Variants in CSRNP3 observed in about 807,000 individuals in gnomAD.
CSRNP3 encodes the protein cysteine/serine-rich nuclear protein 3.
CSRNP3 carries 12 observed loss-of-function variants against 48.0 expected under a neutral mutation model. The observed-to-expected ratio is 0.25, with a 90% CI of 0.16 to 0.41. CSRNP3 has a LOEUF of 0.41. Ranked by LOEUF, CSRNP3 falls within the 10% of genes least tolerant of loss-of-function variation. The probability of loss-of-function intolerance (pLI) is 1.00; values close to 1 mark genes in which losing one functional copy is unlikely to be tolerated. For missense variants in CSRNP3, 580 were observed against 724.4 expected, an observed-to-expected ratio of 0.80 and a Z score of 2.29; for synonymous variants, 263 against 269.7, an observed-to-expected ratio of 0.98 and a Z score of 0.24.
chr2:165,525,353 T>A (rs939359081), intron 3 of CSRNP3, among the ~76,000 whole-genome samples: 16 of 152,192 alleles, frequency 1.1e-4, no homozygotes, highest in African/African-American at 3.9e-4. Flanking sequence ...ATTTTCTCTC[T>A]GTCTGTGGCA....
intron 3 of CSRNP3, among the ~76,000 whole-genome samples, chr2:165,544,273 T>G (rs1684995084): frequency 6.6e-6 from 1 of 152,128 alleles, no homozygotes; most frequent in Non-Finnish European, 1.5e-5. Flanking sequence ...AAGCAATGGC[T>G]GTCAGGCAGG....
At chr2:165,549,717 A>G (rs1280796348) in intron 3 of CSRNP3, among the ~76,000 whole-genome samples, 2 of 152,074 alleles carry the variant, frequency 1.3e-5, no homozygotes, top group Non-Finnish European at 2.9e-5. Flanking sequence ...TAAAGACCAT[A>G]TTTTTTCTAC....
intron 1 of CSRNP3, among the ~76,000 whole-genome samples, chr2:165,469,969 A>G (rs1683870595): frequency 6.6e-6 from 1 of 152,116 alleles, no homozygotes; most frequent in Non-Finnish European, 1.5e-5. Context: ...CACCAGAGGC[A>G]TGTCTTATCC....
rs1021438208 is a variant in CSRNP3 at position 165,531,173 on chromosome 2, T to A, written c.-24+13212T>A. 2.0e-5 allele frequency among the ~76,000 whole-genome samples: 3 copies of A among 152,164 alleles called. No homozygotes were observed. In the East Asian group the frequency reaches 5.8e-4, roughly 29 times the overall value. On this transcript the variant is annotated intron_variant, in intron 3 of 6. Coordinates refer to ENST00000651982, the MANE Select transcript of CSRNP3 (RefSeq NM_001172173.2). ...TATTGTCTACATACAAGAGAAAGGA[T>A]ACCAATAAATATTTATTTGACAGTA...
At chr2:165,524,270 C>T (rs766203262) in intron 3 of CSRNP3, among the ~76,000 whole-genome samples, 21 of 152,144 alleles carry the variant, frequency 1.4e-4, no homozygotes, top group Admixed American at 1.1e-3. Context: ...TAAAACAATT[C>T]TTTAACTACT....
In CSRNP3 at chr2:165,687,620, C is replaced by T. The variant is rs1049079563; in HGVS notation, c.*7867C>T. Reference sequence around the variant, plus strand: ...AAGAGTCTGATGGAATAAAATGACTCCAGAGATTTACACAGCCACCATTTG... The same window carrying T: ...AAGAGTCTGATGGAATAAAATGACTTCAGAGATTTACACAGCCACCATTTG... On this transcript the variant is annotated 3_prime_UTR_variant, in exon 7 of 7. Transcript: ENST00000651982. The T allele has an allele frequency of 6.6e-6, 1 of 151,920 alleles. No homozygotes were observed. The highest frequency in any genetic ancestry group is 1.5e-5 in the Non-Finnish European group (1 of 67,960). The allele number at this position is 151,920 out of a possible 1,614,324, so 9.4% of individuals were successfully genotyped here.
chr2:165,574,278 C>T (rs1685414290), intron 3 of CSRNP3: 2 of 1,104,308 alleles, frequency 1.8e-6, no homozygotes, highest in Non-Finnish European at 1.3e-6. Flanking sequence ...GTTCAAAGGT[C>T]ACAGGGCTGG....
At position 165,678,780 on chromosome 2, in the gene CSRNP3, T is replaced by A; in HGVS notation, c.785T>A (p.Ile262Asn). Reference sequence around the variant, plus strand: ...GCAGGTAGAATTGAATTTAATCCTATCCGTGTTCGGACTCACTTTTTGCAC... The same window carrying A: ...GCAGGTAGAATTGAATTTAATCCTAACCGTGTTCGGACTCACTTTTTGCAC... ...NTAGRIEFNP[I>N]RVRTHFLHTI... Residue 262 changes from isoleucine (I) to asparagine (N), a missense_variant, in exon 7 of 7, where the codon ATC becomes AAC. Coordinates refer to ENST00000651982, the MANE Select transcript of CSRNP3 (RefSeq NM_001172173.2). 1 of 1,614,090 alleles carries A rather than the reference T, an allele frequency of 6.2e-7. No homozygotes were observed. Among genetic ancestry groups the A allele is most frequent in the South Asian group, 1.1e-5 (1 of 91,092 alleles).
At chr2:165,648,535 A>G (rs1424152856) in intron 4 of CSRNP3, among the ~76,000 whole-genome samples, 5 of 152,116 alleles carry the variant, frequency 3.3e-5, no homozygotes, top group Non-Finnish European at 7.3e-5. Flanking sequence ...CCAATGCTCT[A>G]CCTTTGAGCT....
intron 5 of CSRNP3, among the ~76,000 whole-genome samples, chr2:165,666,374 G>A (rs1209350483): frequency 2.1e-5 from 1 of 47,748 alleles, no homozygotes; most frequent in South Asian, 1.3e-3. Context: ...AAAGAGAGAG[G>A]AAGAAAGAGA....
chr2:165,634,276 G>T (rs1012706810), intron 4 of CSRNP3, among the ~76,000 whole-genome samples: 1 of 152,058 alleles, frequency 6.6e-6, no homozygotes, highest in African/African-American at 2.4e-5. Context: ...GGAAGTCAAG[G>T]CTGCAGTGAG....
chr2:165,504,338 G>C (rs1680869202), intron 2 of CSRNP3, among the ~76,000 whole-genome samples: 1 of 151,926 alleles, frequency 6.6e-6, no homozygotes, highest in Non-Finnish European at 1.5e-5. Context: ...AGGTGAGTAG[G>C]AATGGTAGTC....
chr2:165,685,930 AT>A lies in CSRNP3; in HGVS notation c.*6182del, dbSNP rs1170686466. 1 of 152,096 alleles carries A rather than the reference AT, an allele frequency of 6.6e-6. No individual in the cohort carries two copies. Among genetic ancestry groups the A allele is most frequent in the African/African-American group, 2.4e-5 (1 of 41,448 alleles). The allele number at this position is 152,096 out of a possible 1,614,324, so 9.4% of individuals were successfully genotyped here. A position where few individuals can be genotyped will look rare whatever the true frequency, so the allele number is the denominator to read the frequency against. ...TAGTGACATGTGAGGCCATTTAAATATTTTTAAGATAATGTATATTGATTAG... is the reference window on the plus strand; with the variant it reads ...TAGTGACATGTGAGGCCATTTAAATATTTTAAGATAATGTATATTGATTAG... On this transcript the variant is annotated 3_prime_UTR_variant, in exon 7 of 7. Transcript: ENST00000651982.
chr2:165,577,997 A>G lies in CSRNP3; in HGVS notation c.-23-17046A>G, dbSNP rs147754810. On this transcript the variant is annotated intron_variant, in intron 3 of 6. Transcript: ENST00000651982. ...AAATCATTTGAATTCCAAATAAATGAAAATTTTCTTTTGTTAGTACAATGA... is the reference window on the plus strand; with the variant it reads ...AAATCATTTGAATTCCAAATAAATGGAAATTTTCTTTTGTTAGTACAATGA... 3.1e-3 allele frequency among the ~76,000 whole-genome samples: 471 copies of G among 152,206 alleles called. 4 individuals are homozygous for G. The highest frequency in any genetic ancestry group is 0.011 in the African/African-American group (449 of 41,584).
intron 2 of CSRNP3, among the ~76,000 whole-genome samples, chr2:165,502,001 A>C (rs1332068869): frequency 6.6e-6 from 1 of 152,088 alleles, no homozygotes; most frequent in Admixed American, 6.6e-5. Flanking sequence ...ACATTGAAAT[A>C]TTTAGAGCTG....
chr2:165,564,381 T>C (rs1367395642), intron 3 of CSRNP3, among the ~76,000 whole-genome samples: 1 of 152,090 alleles, frequency 6.6e-6, no homozygotes, highest in Non-Finnish European at 1.5e-5. Flanking sequence ...ATAATAATTC[T>C]AATATTAAAT....
chr2:165,587,488 G>A (rs1381668389), intron 3 of CSRNP3, among the ~76,000 whole-genome samples: 1 of 152,252 alleles, frequency 6.6e-6, no homozygotes, highest in East Asian at 1.9e-4. Context: ...TCAAGGGGCA[G>A]ACACCTGACC....
chr2:165,545,802 C>A (rs187427826), intron 3 of CSRNP3, among the ~76,000 whole-genome samples: 29 of 151,924 alleles, frequency 1.9e-4, no homozygotes, highest in African/African-American at 6.8e-4. Flanking sequence ...ATATGTATTA[C>A]TTTTTAAATT....
chr2:165,579,557 C>A (rs1685507535), intron 3 of CSRNP3, among the ~76,000 whole-genome samples: 1 of 152,108 alleles, frequency 6.6e-6, no homozygotes, highest in Non-Finnish European at 1.5e-5. Context: ...ACTATAAGTT[C>A]TTCAATTACA....
Sources: allele counts gnomAD v4.1 joint callset (sites outside exome capture counted in the v4.1 genomes callset), GRCh38; gene constraint gnomAD v4.1.1; transcripts MANE v1.5; gene names NCBI Gene and HGNC (gene_info 2026-07-23, HGNC 2026-07-21).